SMAD4: variants seen among roughly 807,000 people sequenced by gnomAD.
The protein encoded by SMAD4 is SMAD family member 4.
SMAD4 carries 7 observed loss-of-function variants against 63.2 expected under a neutral mutation model. That is an observed-to-expected ratio of 0.11 (90% CI 0.06 to 0.21). The LOEUF (loss-of-function observed/expected upper bound fraction) is 0.21, where lower values mean the gene tolerates loss of function less well. Ranked by LOEUF, SMAD4 falls within the 10% of genes least tolerant of loss-of-function variation. The pLI, the probability that SMAD4 is intolerant of heterozygous loss-of-function variation, is 1.00. For missense variants in SMAD4, 312 were observed against 693.8 expected, an observed-to-expected ratio of 0.45 and a Z score of 6.18; for synonymous variants, 215 against 235.4, an observed-to-expected ratio of 0.91 and a Z score of 0.79.
intron 1 of SMAD4, among the ~76,000 whole-genome samples, chr18:51,031,524 A>G (rs1837358309): frequency 6.6e-6 from 1 of 152,314 alleles, no homozygotes; most frequent in Admixed American, 6.5e-5. Flanking sequence ...TTAAGGTGGA[A>G]TTGCCAGTTA....
At chr18:51,057,110 T>C (rs1909866248) in intron 5 of SMAD4, among the ~76,000 whole-genome samples, 1 of 152,192 alleles carries the variant, frequency 6.6e-6, no homozygotes, top group Non-Finnish European at 1.5e-5. Context: ...TTCTTAGCTT[T>C]AAGGAAATGT....
rs1910657772 is a variant in SMAD4, at chr18:51,083,453, T to A, written c.*4986T>A. 4.4e-6 allele frequency: 1 copy of A among 228,296 alleles called. No homozygotes were observed. Among genetic ancestry groups the A allele is most frequent in the Non-Finnish European group, 8.6e-6 (1 of 116,010 alleles). The allele number at this position is 228,296 out of a possible 1,614,324, so 14.1% of individuals were successfully genotyped here. On this transcript the variant is annotated 3_prime_UTR_variant, in exon 12 of 12. Coordinates refer to ENST00000342988, the MANE Select transcript of SMAD4 (RefSeq NM_005359.6). ...GAATGAATGAAACTTTTTGTCCTTT[T>A]TTTTTCTGTTTTTTTTTTTCTAATG...
intron 10 of SMAD4, among the ~76,000 whole-genome samples, chr18:51,073,421 A>G (rs1333568386): frequency 1.4e-5 from 2 of 142,186 alleles, no homozygotes; most frequent in Non-Finnish European, 3.1e-5. Context: ...ACACACACAC[A>G]CACACACACA....
rs2144406474 is a variant in SMAD4 at position 51,048,880 on chromosome 18, A to T, written c.424+20A>T. On this transcript the variant is annotated intron_variant, in intron 3 of 11. Transcript: ENST00000342988. ...GAATTGGTAAGTAGACTTTGCTTTC[A>T]TCCTAAGAAACATAAAGGGAAAAGG... The T allele has an allele frequency of 6.2e-7, 1 of 1,600,928 alleles. No individual in the cohort carries two copies. The highest frequency in any genetic ancestry group is 1.1e-5 in the South Asian group (1 of 90,786).
intron 1 of SMAD4, among the ~76,000 whole-genome samples, chr18:51,044,265 C>T (rs568620698): frequency 1.3e-5 from 2 of 152,206 alleles, no homozygotes; most frequent in East Asian, 1.9e-4. Context: ...CTGCCTCAGC[C>T]TCCTGAGGAG....
At chr18:51,039,987 A>AT (rs1378020180) in intron 1 of SMAD4, among the ~76,000 whole-genome samples, 2 of 152,134 alleles carry the variant, frequency 1.3e-5, no homozygotes, top group African/African-American at 4.8e-5. Flanking sequence ...GCTGTCTAGG[A>AT]TTTAGTCTTT....
At chr18:51,071,373 A>T (rs1910311400) in intron 10 of SMAD4, among the ~76,000 whole-genome samples, 1 of 152,102 alleles carries the variant, frequency 6.6e-6, no homozygotes, top group Non-Finnish European at 1.5e-5. Flanking sequence ...AGAAGCTAGG[A>T]CTAAATTGTG....
chr18:51,075,363 T>A (rs1910445332), intron 10 of SMAD4, among the ~76,000 whole-genome samples: 1 of 152,246 alleles, frequency 6.6e-6, no homozygotes, highest in Non-Finnish European at 1.5e-5. Context: ...TTTCTCTTAT[T>A]TTCAAGATTA....
At chr18:51,058,485 A>ATTTTTTTT in intron 7 of SMAD4, 29 bp downstream of exon 7, 1 of 1,094,362 alleles carries the variant, frequency 9.1e-7, no homozygotes, top group Non-Finnish European at 1.3e-6. Flanking sequence ...TGTAAGGGCT[A>ATTTTTTTT]TTTTTTTTTT....
Position 51,079,669 on chromosome 18 carries a change from G to T in SMAD4, c.*1202G>T. 1 of 233,446 alleles carries T rather than the reference G, an allele frequency of 4.3e-6. No homozygotes were observed. The highest frequency in any genetic ancestry group is 6.1e-5 in the East Asian group (1 of 16,484). The allele number at this position is 233,446 out of a possible 1,614,324, so 14.5% of individuals were successfully genotyped here. A position where few individuals can be genotyped will look rare whatever the true frequency, so the allele number is the denominator to read the frequency against. On this transcript the variant is annotated 3_prime_UTR_variant, in exon 12 of 12. Coordinates refer to ENST00000342988, the MANE Select transcript of SMAD4 (RefSeq NM_005359.6). ...GATCATATCAATTGGCAGTGACTTT[G>T]TATAGAGAATTTAAGTAGAAAAGTT... is the stretch of plus-strand genomic sequence containing the variant.
At chr18:51,033,221 G>A (rs1453887310) in intron 1 of SMAD4, among the ~76,000 whole-genome samples, 1 of 130,238 alleles carries the variant, frequency 7.7e-6, no homozygotes, top group Non-Finnish European at 1.6e-5. Context: ...ATGGAGGCTC[G>A]CTCTGTTGTC....
At chr18:51,065,898 A>G (rs749817289) in intron 9 of SMAD4, among the ~76,000 whole-genome samples, 1 of 152,222 alleles carries the variant, frequency 6.6e-6, no homozygotes, top group Non-Finnish European at 1.5e-5. Flanking sequence ...TTCTGTGATC[A>G]TACATTTCTA....
intron 1 of SMAD4, among the ~76,000 whole-genome samples, chr18:51,040,813 C>T (rs1395069702): frequency 6.6e-6 from 1 of 152,254 alleles, no homozygotes; most frequent in Non-Finnish European, 1.5e-5. Flanking sequence ...CTCTTTACCT[C>T]TCATAACTCT....
At chr18:51,077,363 C>T (rs1270295265) in intron 11 of SMAD4, 2 of 983,864 alleles carry the variant, frequency 2.0e-6, no homozygotes, top group Non-Finnish European at 1.2e-6. Flanking sequence ...CCATCTTCCA[C>T]GTCTGAAGGC....
rs559385300 is a variant in SMAD4 at position 51,082,025 on chromosome 18, AG to A, written c.*3559del. On this transcript the variant is annotated 3_prime_UTR_variant, in exon 12 of 12. Transcript: ENST00000342988. ...CAGTTTTATTCTCTGAGTGGAACAG[AG>A]TTCTTTTTGTTGATAATTTCTAGTT... The A allele has an allele frequency of 7.9e-4, 182 of 231,596 alleles. 1 individual carries two copies. Among genetic ancestry groups the A allele is most frequent in the Middle Eastern group, 1.3e-3 (1 of 780 alleles). 14.3% of individuals were successfully genotyped at this position (231,596 alleles called of 1,614,324 possible).
Position 51,082,443 on chromosome 18 carries a change from T to C in SMAD4, c.*3976T>C. 1 of 229,594 alleles carries C rather than the reference T, an allele frequency of 4.4e-6. No individual in the cohort carries two copies. The highest frequency in any genetic ancestry group is 8.6e-6 in the Non-Finnish European group (1 of 115,730). The allele number at this position is 229,594 out of a possible 1,614,324, so 14.2% of individuals were successfully genotyped here. ...AAGTGGCATCCTAGGCCCAGCCTTA[T>C]CCCTAGCAGTTGTCCCAGTGCTGCT... On this transcript the variant is annotated 3_prime_UTR_variant, in exon 12 of 12. Coordinates refer to ENST00000342988, the MANE Select transcript of SMAD4 (RefSeq NM_005359.6).
chr18:51,054,961 C>T lies in SMAD4; in HGVS notation c.635C>T (p.Ala212Val), dbSNP rs1909801989. Residue 212 changes from alanine to valine, a missense_variant, in exon 5 of 12, where the codon GCC (alanine) becomes GTC (valine). Ala to Val is a moderately conservative substitution (Grantham distance 64, BLOSUM62 0). Around this residue, in one of 4 missense-constraint regions of SMAD4, gnomAD observed 169 missense variants for 211.0 expected, o/e 0.80. Transcript: ENST00000342988. The part of the protein sequence containing the change: ...APSESNATST[A>V]NFPNIPVAST... Reference sequence around the variant, plus strand: ...TCTGAGTCTAATGCTACCAGCACTGCCAACTTTCCCAACATTCCTGTGGCT... The same window carrying T: ...TCTGAGTCTAATGCTACCAGCACTGTCAACTTTCCCAACATTCCTGTGGCT... The T allele has an allele frequency of 2.5e-6, 4 of 1,614,042 alleles. No individual in the cohort carries two copies. Among genetic ancestry groups the T allele is most frequent in the Non-Finnish European group, 3.4e-6 (4 of 1,179,900 alleles).
At chr18:51,049,390 C>A (rs1909641448) in intron 4 of SMAD4, 66 bp downstream of exon 4, 1 of 1,215,066 alleles carries the variant, frequency 8.2e-7, no homozygotes, top group Non-Finnish European at 1.2e-6. Flanking sequence ...TTTTGTTGAC[C>A]TAGAATTAGT....
At chr18:51,069,451 T>C (rs1289398238) in intron 10 of SMAD4, among the ~76,000 whole-genome samples, 1 of 152,226 alleles carries the variant, frequency 6.6e-6, no homozygotes, top group African/African-American at 2.4e-5. Flanking sequence ...GATTTCCTTA[T>C]ATGTTTTGTA....
Sources: gnomAD v4.1 joint callset for allele counts (sites outside exome capture counted in the v4.1 genomes callset) on GRCh38, gnomAD v4.1.1 for gene constraint, gnomAD v4.1.1 regional missense constraint, MANE v1.5 for transcripts, NCBI Gene and HGNC (gene_info 2026-07-23, HGNC 2026-07-21) for gene names.